Variants in SUPT6H observed in about 807,000 individuals in gnomAD.
The protein encoded by SUPT6H is transcription elongation factor SPT6.
Under a neutral mutation model 222.3 loss-of-function variants are expected in SUPT6H, and 11 were observed. The ratio of observed to expected loss-of-function variants is 0.05; its 90% CI spans 0.03 to 0.08. The LOEUF is 0.08. Among genes scored for constraint, SUPT6H ranks in the 10% least tolerant of loss-of-function variants. The pLI is 1.00. For synonymous variants in SUPT6H, 762 were observed against 801.2 expected (o/e 0.95, Z 0.83); for missense variants, 1,422 against 2,216.0 (o/e 0.64, Z 7.19).
At chr17:28,699,704 T>A (rs531021538) in intron 32 of SUPT6H, 77 bp from the exon 33 acceptor site, 42 of 1,196,618 alleles carry the variant, frequency 3.5e-5, no homozygotes, top group Non-Finnish European at 5.3e-5. Flanking sequence ...CTACTTCACA[T>A]GGTGGGCATC....
chr17:28,670,813 A>T (rs2030365894), intron 1 of SUPT6H: 1 of 152,142 alleles, frequency 6.6e-6, no homozygotes. Context: ...TGAACCCAGG[A>T]GGTGGAGGTT....
chr17:28,680,255 G>A lies in SUPT6H; in HGVS notation c.1350-1001G>A, dbSNP rs544569787. ...TGGGAGGTGGAGGTTGCAATGAGCC[G>A]AGATCGTGCCATTGCACTCCAGCCT... is the stretch of plus-strand genomic sequence containing the variant. On this transcript the variant is annotated intron_variant, in intron 11 of 36. Transcript: ENST00000314616. 5.9e-5 allele frequency among the ~76,000 whole-genome samples: 9 copies of A among 152,104 alleles called. No individual in the cohort carries two copies. The South Asian group carries it at 8.3e-4, about 14-fold the overall frequency.
rs532977344 is a variant in SUPT6H at position 28,686,909 on chromosome 17, C to T, written c.2700+120C>T. The T allele has an allele frequency of 2.2e-4, 328 of 1,477,348 alleles. No individual in the cohort carries two copies. The African/African-American group carries it at 4.2e-3, about 19-fold the overall frequency. 91.5% of individuals were successfully genotyped at this position (1,477,348 alleles called of 1,614,324 possible). On this transcript the variant is annotated intron_variant, in intron 21 of 36. Coordinates refer to ENST00000314616, the MANE Select transcript of SUPT6H (RefSeq NM_003170.5). ...GACTGTACCTGTGTACTTATCCATGCAGAAGTTCTCCGTTTTGCAGTTACG... is the reference window on the plus strand; with the variant it reads ...GACTGTACCTGTGTACTTATCCATGTAGAAGTTCTCCGTTTTGCAGTTACG...
chr17:28,687,200 T>G lies in SUPT6H; in HGVS notation c.2813T>G (p.Leu938Arg), dbSNP rs907208188. 3.1e-6 allele frequency: 5 copies of G among 1,614,190 alleles called. No individual in the cohort carries two copies. The highest frequency in any genetic ancestry group is 4.2e-6 in the Non-Finnish European group (5 of 1,180,042). ...AQVCSSDEDI[L>R]CLKFHPLQEH... ...GTGTGCAGTTCCGATGAAGACATCCTGTGTCTCAAGTTTCACCCCTTGCAG... is the reference window on the plus strand; with the variant it reads ...GTGTGCAGTTCCGATGAAGACATCCGGTGTCTCAAGTTTCACCCCTTGCAG... The change falls in exon 22 of 37, where the codon CTG becomes CGG. Residue 938 changes from leucine (L) to arginine (R), a missense_variant. Leu to Arg is a moderately radical substitution (Grantham distance 102). Transcript: ENST00000314616.
intron 13 of SUPT6H, among the ~76,000 whole-genome samples, chr17:28,682,354 A>C (rs1242560210): frequency 6.6e-6 from 1 of 152,110 alleles, no homozygotes; most frequent in Non-Finnish European, 1.5e-5. Flanking sequence ...AGCTGGGCAC[A>C]GTGGCTCACG....
chr17:28,691,250 G>T (rs1398260088), intron 27 of SUPT6H, 187 bp downstream of exon 27: 10 of 772,728 alleles, frequency 1.3e-5, no homozygotes, highest in Non-Finnish European at 1.4e-5. Flanking sequence ...GACATAGCTG[G>T]GCACGGTGGC....
intron 1 of SUPT6H, among the ~76,000 whole-genome samples, chr17:28,666,856 C>A (rs139867211): frequency 3.9e-5 from 6 of 151,976 alleles, no homozygotes; most frequent in African/African-American, 1.2e-4. Flanking sequence ...CGCGCCCAGC[C>A]GAATAAATAA....
In SUPT6H at chr17:28,696,990, G is replaced by T. The variant is rs1381023792; in HGVS notation, c.4117G>T (p.Val1373Phe). The T allele has an allele frequency of 1.2e-6, 2 of 1,614,014 alleles. No individual in the cohort carries two copies. Among genetic ancestry groups the T allele is most frequent in the African/African-American group, 1.3e-5 (1 of 74,898 alleles). The part of the protein sequence containing the change: ...GENHLTVTWK[V>F]SDGIYQHVDV... ...GAACCACCTGACAGTGACCTGGAAA[G>T]TCAGTGATGGCATCTACCAGCATGT... Residue 1373 changes from valine to phenylalanine, a missense_variant, in exon 30 of 37, where the codon GTC becomes TTC. Physicochemically the swap from Val to Phe is conservative, Grantham distance 50. This residue lies in a region of SUPT6H where 395 missense variants were observed against 580.6 expected (regional missense o/e 0.68). Transcript: ENST00000314616.
chr17:28,677,795 C>T lies in SUPT6H; in HGVS notation c.978C>T (p.Ala326=), dbSNP rs758088684. 3.1e-6 allele frequency: 5 copies of T among 1,614,024 alleles called. No homozygotes were observed. In the Admixed American group the frequency reaches 5.0e-5, roughly 16 times the overall value. Residue 326 remains alanine, a synonymous_variant, in exon 8 of 37, where the codon GCC becomes GCT. Transcript: ENST00000314616. ...ACTGGATCTACAGGAATGCTTTTGC[C>T]ACACCAACCATTTCTCTCCAGGTAC... ...EADWIYRNAF[A]TPTISLQESC...
chr17:28,696,791 T>C, intron 29 of SUPT6H, 53 bp from the exon 30 acceptor site: 3 of 1,528,992 alleles, frequency 2.0e-6, no homozygotes, highest in East Asian at 4.5e-5. Context: ...GTCCTGTTGC[T>C]GCCAGCTCCT....
intron 1 of SUPT6H, among the ~76,000 whole-genome samples, chr17:28,663,177 AT>A (rs994674468): frequency 6.6e-6 from 1 of 152,198 alleles, no homozygotes; most frequent in African/African-American, 2.4e-5. Flanking sequence ...AATTTGATTA[AT>A]TTCTTCGGAA....
rs149864735 is a variant in SUPT6H, at chr17:28,697,078, G to C, written c.4205G>C (p.Ser1402Thr). Reference sequence around the variant, plus strand: ...CTGGGAGCCACTCTGTGGATCAACAGTGAGGTGAGAGCCAGTGCCTGCCCA... The same window carrying C: ...CTGGGAGCCACTCTGTGGATCAACACTGAGGTGAGAGCCAGTGCCTGCCCA... ...FSLGATLWIN[S>T]EEFEDLDEIV... is the part of the protein sequence containing the mutation. Residue 1402 changes from serine (S) to threonine (T), a missense_variant, in exon 30 of 37, where the codon AGT becomes ACT. By Grantham distance (58) the Ser-to-Thr change is moderately conservative (BLOSUM62 1). Around this residue, in one of 13 missense-constraint regions of SUPT6H, gnomAD observed 395 missense variants for 580.6 expected, o/e 0.68. Coordinates refer to ENST00000314616, the MANE Select transcript of SUPT6H (RefSeq NM_003170.5). 3 of 1,613,954 alleles carry C rather than the reference G, an allele frequency of 1.9e-6. No homozygotes were observed. The highest frequency in any genetic ancestry group is 2.5e-6 in the Non-Finnish European group (3 of 1,179,908).
intron 19 of SUPT6H, among the ~76,000 whole-genome samples, chr17:28,686,138 G>A (rs1026648588): frequency 2.0e-5 from 3 of 152,226 alleles, no homozygotes; most frequent in African/African-American, 7.2e-5. Context: ...CTGGAGCGCA[G>A]TTCTAGTCAG....
At chr17:28,664,127 T>C (rs1305136743) in intron 1 of SUPT6H, among the ~76,000 whole-genome samples, 1 of 152,158 alleles carries the variant, frequency 6.6e-6, no homozygotes, top group East Asian at 1.9e-4. Flanking sequence ...CTTGGCTTTA[T>C]TGACATTTCA....
intron 6 of SUPT6H, 94 bp from the exon 7 acceptor site, chr17:28,676,063 A>G (rs1269222638): frequency 3.5e-6 from 5 of 1,409,150 alleles, no homozygotes; most frequent in Non-Finnish European, 3.8e-6. Flanking sequence ...TAACCCTCTC[A>G]GTTCCCTTGG....
chr17:28,664,816 T>C (rs1333325045), intron 1 of SUPT6H, among the ~76,000 whole-genome samples: 1 of 152,260 alleles, frequency 6.6e-6, no homozygotes, highest in East Asian at 1.9e-4. Context: ...TCCGCAGGGT[T>C]ACCAAAGATA....
At chr17:28,667,427 A>ATATATG (rs2030122542) in intron 1 of SUPT6H, among the ~76,000 whole-genome samples, 1 of 133,380 alleles carries the variant, frequency 7.5e-6, no homozygotes, top group African/African-American at 2.9e-5. Flanking sequence ...ATATATATAT[A>ATATATG]TATATATATG....
rs773185958 is a variant in SUPT6H, at chr17:28,688,313, T to G, written c.3134+95T>G. 5 of 1,418,038 alleles carry G rather than the reference T, an allele frequency of 3.5e-6. No homozygotes were observed. The highest frequency in any genetic ancestry group is 4.7e-6 in the Non-Finnish European group (5 of 1,066,750). The allele number at this position is 1,418,038 out of a possible 1,614,324, so 87.8% of individuals were successfully genotyped here. On this transcript the variant is annotated intron_variant, in intron 24 of 36. Transcript: ENST00000314616. This position sits in a 1 kb window ranked among gnomAD's most constrained non-coding sequence, Gnocchi z 4.3. The stretch of plus-strand genomic sequence containing the variant: ...AGGGCTATCAAAGGGCCACAAGCCA[T>G]TTTAACTTAGGAAATGTTTTAAAGA...
chr17:28,690,070 C>A lies in SUPT6H; in HGVS notation c.3343-12C>A. ...CAGCTGCAAGGCTCTTCTTGATGGG[C>A]TTCTTCCCCAGGGCTATGGTGACAA... On this transcript the variant is annotated splice_polypyrimidine_tract_variant and intron_variant, in intron 25 of 36. Transcript: ENST00000314616. 2 of 1,605,400 alleles carry A rather than the reference C, an allele frequency of 1.2e-6. No individual in the cohort carries two copies. The highest frequency in any genetic ancestry group is 1.7e-6 in the Non-Finnish European group (2 of 1,175,142).
Sources: allele counts gnomAD v4.1 joint callset (sites outside exome capture counted in the v4.1 genomes callset), GRCh38; gene constraint gnomAD v4.1.1; regional missense constraint gnomAD v4.1.1; non-coding constraint Gnocchi (gnomAD v3.1); transcripts MANE v1.5; gene names NCBI Gene and HGNC (gene_info 2026-07-23, HGNC 2026-07-21).